DCAF1: variants seen among roughly 807,000 people sequenced by gnomAD.
DCAF1 encodes the protein DDB1 and CUL4 associated factor 1.
Under a neutral mutation model 128.0 loss-of-function variants are expected in DCAF1, and 15 were observed. The ratio of observed to expected loss-of-function variants is 0.12; its 90% confidence interval spans 0.08 to 0.18. The LOEUF is 0.18. DCAF1 is among the 10% of genes least tolerant of loss of function. The pLI, the probability that DCAF1 is intolerant of heterozygous loss-of-function variation, is 1.00. For missense variants in DCAF1, 988 were observed against 1,649.5 expected, an observed-to-expected ratio of 0.60 and a Z score of 6.95; for synonymous variants, 610 against 603.0, an observed-to-expected ratio of 1.01 and a Z score of -0.17.
At chr3:51,493,984 G>A (rs1330511049) in intron 2 of DCAF1, among the ~76,000 whole-genome samples, 3 of 147,852 alleles carry the variant, frequency 2.0e-5, no homozygotes, top group Admixed American at 6.8e-5. Flanking sequence ...GCGACAGAGC[G>A]AGATTCCGTC....
At chr3:51,487,008 G>A (rs570228130) in intron 2 of DCAF1, among the ~76,000 whole-genome samples, 5 of 135,280 alleles carry the variant, frequency 3.7e-5, no homozygotes, top group African/African-American at 1.1e-4. Context: ...ACACTCTGTC[G>A]CCAGGCTGGA....
intron 6 of DCAF1, among the ~76,000 whole-genome samples, chr3:51,450,942 A>C (rs1437346423): frequency 6.6e-6 from 1 of 152,074 alleles, no homozygotes; most frequent in African/African-American, 2.4e-5. Context: ...AAAACCCTAA[A>C]GACTCCATAC....
chr3:51,454,228 C>T (rs1702648401), intron 6 of DCAF1, among the ~76,000 whole-genome samples: 1 of 152,022 alleles, frequency 6.6e-6, no homozygotes, highest in Non-Finnish European at 1.5e-5. Context: ...TTTTGTAGAG[C>T]CAGGGTCTTC....
intron 9 of DCAF1, chr3:51,437,539 G>A: frequency 2.9e-6 from 1 of 339,264 alleles, no homozygotes; most frequent in Admixed American, 3.4e-5. Context: ...CAGGGGGCTG[G>A]GCACAGTTGC....
At chr3:51,424,445 T>C (rs1699728081) in intron 13 of DCAF1, among the ~76,000 whole-genome samples, 1 of 151,378 alleles carries the variant, frequency 6.6e-6, no homozygotes, top group African/African-American at 2.4e-5. Context: ...TGAAAGCTCC[T>C]ATATATTGCT....
chr3:51,459,088 C>CA (rs1393348180), intron 6 of DCAF1, among the ~76,000 whole-genome samples: 1 of 151,970 alleles, frequency 6.6e-6, no homozygotes, highest in African/African-American at 2.4e-5. Context: ...AATAGAGACA[C>CA]AAAAAACCCT....
At position 51,419,677 on chromosome 3, in the gene DCAF1, G is replaced by T; in HGVS notation, c.3236+57C>A. 2.6e-6 allele frequency: 4 copies of T among 1,536,000 alleles called. No individual in the cohort carries two copies. The South Asian group carries it at 5.2e-5, about 20-fold the overall frequency. On this transcript the variant is annotated intron_variant, in intron 15 of 24. Coordinates refer to ENST00000684031, the MANE Select transcript of DCAF1 (RefSeq NM_001387579.1). The stretch of plus-strand genomic sequence containing the variant: ...CAACTATGCTGATACTGCCCAGTTT[G>T]ATTTAAATAAAAGAATCATTCCAAT...
intron 6 of DCAF1, among the ~76,000 whole-genome samples, chr3:51,456,673 G>A (rs578153981): frequency 5.3e-5 from 8 of 152,230 alleles, no homozygotes; most frequent in East Asian, 1.9e-4. Flanking sequence ...CAGTAGGGGC[G>A]GACTGACACC....
chr3:51,450,078 G>A (rs1553641158), intron 6 of DCAF1, among the ~76,000 whole-genome samples: 1 of 152,208 alleles, frequency 6.6e-6, no homozygotes, highest in African/African-American at 2.4e-5. Flanking sequence ...GGGTATGGCG[G>A]CTTATGCCTG....
intron 23 of DCAF1, among the ~76,000 whole-genome samples, chr3:51,405,076 C>T (rs959771849): frequency 3.3e-5 from 5 of 152,162 alleles, no homozygotes; most frequent in African/African-American, 1.2e-4. Flanking sequence ...TTAGCTAATC[C>T]ACTAACAAAG....
intron 8 of DCAF1, 99 bp from the exon 9 acceptor site, chr3:51,441,170 C>T: frequency 8.1e-7 from 1 of 1,227,734 alleles, no homozygotes; most frequent in Non-Finnish European, 1.2e-6. Context: ...AATGATGCAC[C>T]TCTTCCTCCC....
At position 51,483,844 on chromosome 3, in the gene DCAF1, A is replaced by G. The variant is rs781881070; in HGVS notation, c.-8-8T>C. Reference sequence around the variant, plus strand: ...CTGTAGTCATGGCTTTGCCTAAGGAAGCAAAAATAAAAATAAAAAAGACAA... The same window carrying G: ...CTGTAGTCATGGCTTTGCCTAAGGAGGCAAAAATAAAAATAAAAAAGACAA... On this transcript the variant is annotated splice_polypyrimidine_tract_variant and splice_region_variant and intron_variant, in intron 2 of 24. Transcript: ENST00000684031. 7.6e-6 allele frequency: 12 copies of G among 1,582,928 alleles called. No homozygotes were observed. The highest frequency in any genetic ancestry group is 1.7e-4 in the Middle Eastern group (1 of 6,000).
chr3:51,499,190 C>G lies in DCAF1; in HGVS notation c.-56+683G>C, dbSNP rs367790020. On this transcript the variant is annotated intron_variant, in intron 1 of 24. Coordinates refer to ENST00000684031, the MANE Select transcript of DCAF1 (RefSeq NM_001387579.1). ...AGTTGTTAAGCAAACGCTTCTGACACCCCAGTTGAAAACTACTATAACCCC... is the reference window on the plus strand; with the variant it reads ...AGTTGTTAAGCAAACGCTTCTGACAGCCCAGTTGAAAACTACTATAACCCC... Among the ~76,000 whole-genome samples the G allele has an allele frequency of 3.9e-5, 6 of 152,240 alleles. No individual in the cohort carries two copies. In the East Asian group the frequency reaches 5.8e-4, roughly 15 times the overall value.
At chr3:51,475,270 C>T (rs1419708641) in intron 3 of DCAF1, among the ~76,000 whole-genome samples, 1 of 151,790 alleles carries the variant, frequency 6.6e-6, no homozygotes, top group Non-Finnish European at 1.5e-5. Context: ...TACTAGTATC[C>T]CCAGTTGAAA....
intron 23 of DCAF1, among the ~76,000 whole-genome samples, chr3:51,410,461 G>T (rs1577064058): frequency 6.6e-6 from 1 of 152,042 alleles, no homozygotes; most frequent in Non-Finnish European, 1.5e-5. Context: ...TTGATTTACA[G>T]AACAAATGAT....
chr3:51,498,967 T>A (rs1353600796), intron 1 of DCAF1, among the ~76,000 whole-genome samples: 1 of 152,096 alleles, frequency 6.6e-6, no homozygotes, highest in Non-Finnish European at 1.5e-5. Context: ...TTAAGACATG[T>A]AAACTAATTA....
At chr3:51,403,092 G>T (rs1371785478) in intron 24 of DCAF1, 51 bp downstream of exon 24, 1 of 1,550,962 alleles carries the variant, frequency 6.4e-7, no homozygotes, top group African/African-American at 1.4e-5. Context: ...ACAAAAGAAG[G>T]GATCTTGCCC....
chr3:51,423,169 A>C lies in DCAF1; in HGVS notation c.1848-738T>G, dbSNP rs190969544. ...AATGTTCATAAACCTTGTCCTAGAA[A>C]TTTCACCTCTGACAATCTGTCCTAA... is the stretch of plus-strand genomic sequence containing the variant. On this transcript the variant is annotated intron_variant, in intron 13 of 24. Transcript: ENST00000684031. Among the ~76,000 whole-genome samples the C allele has an allele frequency of 2.6e-5, 4 of 152,270 alleles. No homozygotes were observed. The East Asian group carries it at 7.7e-4, about 29-fold the overall frequency.
intron 9 of DCAF1, among the ~76,000 whole-genome samples, chr3:51,433,652 G>A (rs1056378412): frequency 1.3e-5 from 2 of 151,292 alleles, no homozygotes; most frequent in East Asian, 4.0e-4. Context: ...TAGTAGAGAC[G>A]GGGTTTCACC....
Sources: gnomAD v4.1 joint callset for allele counts (sites outside exome capture counted in the v4.1 genomes callset) on GRCh38, gnomAD v4.1.1 for gene constraint, MANE v1.5 for transcripts, NCBI Gene and HGNC (gene_info 2026-07-23, HGNC 2026-07-21) for gene names.